MSRA: variants seen among roughly 807,000 people sequenced by gnomAD.
The protein encoded by MSRA is methionine sulfoxide reductase A.
A neutral mutation model predicts 31.3 loss-of-function variants in MSRA; 54 were observed. That is an observed-to-expected ratio of 1.73 (90% CI 1.39 to 2.17). The LOEUF is 2.17. Among genes scored for constraint, MSRA ranks in the 30% most tolerant of loss-of-function variants. The pLI is 0.00. For synonymous variants in MSRA, 169 were observed against 116.5 expected (o/e 1.45, Z -2.90); for missense variants, 507 against 300.9 (o/e 1.69, Z -5.07).
At chr8:10,337,598 A>G (rs771319742) in intron 5 of MSRA, 31 of 655,154 alleles carry the variant, frequency 4.7e-5, no homozygotes, top group Non-Finnish European at 8.0e-5. Flanking sequence ...TGTCTCTGGA[A>G]GTTGGTTAAT....
intron 1 of MSRA, among the ~76,000 whole-genome samples, chr8:10,204,377 C>G (rs1474029241): frequency 6.6e-6 from 1 of 152,252 alleles, no homozygotes; most frequent in East Asian, 1.9e-4. Context: ...AGCTTCCAGT[C>G]CTGCAAGCTC....
At chr8:10,120,022 G>C (rs1189494265) in intron 1 of MSRA, among the ~76,000 whole-genome samples, 1 of 152,172 alleles carries the variant, frequency 6.6e-6, no homozygotes, top group Non-Finnish European at 1.5e-5. Flanking sequence ...TAGGAATTGT[G>C]CCCTTTAGTA....
intron 2 of MSRA, among the ~76,000 whole-genome samples, chr8:10,211,960 G>A (rs1048923917): frequency 1.3e-5 from 2 of 152,142 alleles, no homozygotes; most frequent in Non-Finnish European, 2.9e-5. Context: ...TTAAAAGGGT[G>A]GAAAATGGAG....
chr8:10,237,691 G>A (rs907186768), intron 2 of MSRA, among the ~76,000 whole-genome samples: 1 of 152,132 alleles, frequency 6.6e-6, no homozygotes, highest in African/African-American at 2.4e-5. Context: ...CATCCACAAG[G>A]TTCCCCACTT....
Position 10,113,289 on chromosome 8 carries a change from C to CTTTTTTTTTTTTTTTTTTTT in MSRA, c.142+58633_142+58634insTTTTTTTTTTTTTTTTTTTT, listed in dbSNP as rs1467440154. Among the ~76,000 whole-genome samples the CTTTTTTTTTTTTTTTTTTTT allele has an allele frequency of 4.5e-3, 231 of 50,884 alleles. 7 individuals are homozygous for CTTTTTTTTTTTTTTTTTTTT. The highest frequency in any genetic ancestry group is 0.01 in the South Asian group (11 of 1,062). The allele number at this position is 50,884 out of a possible 152,430, so 33.4% of individuals were successfully genotyped here. A position where few individuals can be genotyped will look rare whatever the true frequency, so the allele number is the denominator to read the frequency against. ...AGGCATGGCTTTGGTGAAGACAGGT[C>CTTTTTTTTTTTTTTTTTTTT]TTCTTTTTTTTTTTTTTTTTTTTTT... On this transcript the variant is annotated intron_variant, in intron 1 of 5. Transcript: ENST00000317173.
At chr8:10,334,818 C>A (rs1802924240) in intron 5 of MSRA, among the ~76,000 whole-genome samples, 1 of 152,244 alleles carries the variant, frequency 6.6e-6, no homozygotes, top group Non-Finnish European at 1.5e-5. Flanking sequence ...GTGCCTTACT[C>A]CCTCTGGTGG....
chr8:10,083,621 G>A (rs901630972), intron 1 of MSRA, among the ~76,000 whole-genome samples: 2 of 152,174 alleles, frequency 1.3e-5, no homozygotes, highest in Non-Finnish European at 2.9e-5. Context: ...GGCAGTTCCA[G>A]ATCATTTGTT....
chr8:10,241,980 A>C (rs960543277), intron 2 of MSRA, among the ~76,000 whole-genome samples: 4 of 152,196 alleles, frequency 2.6e-5, no homozygotes, highest in Admixed American at 2.6e-4. Context: ...GATTAAAATG[A>C]CTTAAAGACA....
At chr8:10,056,649 C>G (rs1662632217) in intron 1 of MSRA, among the ~76,000 whole-genome samples, 1 of 151,894 alleles carries the variant, frequency 6.6e-6, no homozygotes, top group Non-Finnish European at 1.5e-5. Context: ...GTCTCCACTT[C>G]TGAGCCTTGA....
intron 5 of MSRA, chr8:10,336,816 G>A (rs961013831): frequency 2.0e-5 from 3 of 152,142 alleles, no homozygotes; most frequent in Admixed American, 6.5e-5. Context: ...GCAATTGAAC[G>A]CTCTTTATAA....
intron 5 of MSRA, among the ~76,000 whole-genome samples, chr8:10,405,449 T>C (rs1807746798): frequency 6.6e-6 from 1 of 152,136 alleles, no homozygotes; most frequent in South Asian, 2.1e-4. Flanking sequence ...GAAGATGAGC[T>C]CTCTGCCAGA....
chr8:10,282,197 T>C (rs576524410), intron 3 of MSRA, among the ~76,000 whole-genome samples: 3 of 152,304 alleles, frequency 2.0e-5, no homozygotes, highest in Admixed American at 1.3e-4. Flanking sequence ...AACATTCTCC[T>C]CTCACCAGCC....
chr8:10,345,686 A>G (rs1486244476), intron 5 of MSRA, among the ~76,000 whole-genome samples: 1 of 152,230 alleles, frequency 6.6e-6, no homozygotes, highest in Non-Finnish European at 1.5e-5. Context: ...GCACATTTAA[A>G]AATAATTACA....
chr8:10,087,777 T>C (rs1484279627), intron 1 of MSRA, among the ~76,000 whole-genome samples: 3 of 152,218 alleles, frequency 2.0e-5, no homozygotes, highest in African/African-American at 4.8e-5. Context: ...TTTTCTAAGA[T>C]TGGCTTAAAG....
At chr8:10,415,715 C>G (rs1472449592) in intron 5 of MSRA, among the ~76,000 whole-genome samples, 1 of 151,974 alleles carries the variant, frequency 6.6e-6, no homozygotes, top group African/African-American at 2.4e-5. Context: ...CTGCACTCTC[C>G]TCCGGACCTG....
At chr8:10,198,970 C>T (rs548079348) in intron 1 of MSRA, among the ~76,000 whole-genome samples, 5 of 152,154 alleles carry the variant, frequency 3.3e-5, no homozygotes, top group African/African-American at 1.2e-4. Context: ...GCATTGTTTT[C>T]GCAAGTTTGC....
chr8:10,165,418 A>G (rs139807092), intron 1 of MSRA, among the ~76,000 whole-genome samples: 4 of 152,336 alleles, frequency 2.6e-5, no homozygotes, highest in African/African-American at 4.8e-5. Context: ...TTAGGCCAGA[A>G]CAGAACTTTG....
At chr8:10,417,295 C>T (rs1013168638) in intron 5 of MSRA, among the ~76,000 whole-genome samples, 6 of 152,126 alleles carry the variant, frequency 3.9e-5, no homozygotes, top group Non-Finnish European at 8.8e-5. Flanking sequence ...GGTTTGTCCT[C>T]CTTGCATGTG....
At chr8:10,306,779 G>A (rs1387942823) in intron 4 of MSRA, among the ~76,000 whole-genome samples, 1 of 152,124 alleles carries the variant, frequency 6.6e-6, no homozygotes, top group Non-Finnish European at 1.5e-5. Flanking sequence ...AGTGCCTCGA[G>A]CCAAGCCACA....
Sources: allele counts gnomAD v4.1 joint callset (sites outside exome capture counted in the v4.1 genomes callset), GRCh38; gene constraint gnomAD v4.1.1; transcripts MANE v1.5; gene names NCBI Gene and HGNC (gene_info 2026-07-23, HGNC 2026-07-21).